Variants in SACS observed in about 807,000 individuals in gnomAD.
SACS encodes sacsin.
In SACS, 197 loss-of-function variants were observed where a neutral mutation model predicts 348.0. The ratio of observed to expected loss-of-function variants is 0.57; its 90% confidence interval spans 0.50 to 0.64. SACS has a LOEUF of 0.64. SACS is among the 30% of genes least tolerant of loss of function. The probability of loss-of-function intolerance (pLI) is 0.00; values close to 1 mark genes in which losing one functional copy is unlikely to be tolerated. For synonymous variants in SACS, 1,985 were observed against 1,910.6 expected (o/e 1.04, Z -1.02); for missense variants, 4,999 against 5,360.8 (o/e 0.93, Z 2.11).
chr13:23,339,139 T>C lies in SACS; in HGVS notation c.4737A>G (p.Ile1579Met). 6.2e-7 allele frequency: 1 copy of C among 1,611,528 alleles called. No individual in the cohort carries two copies. Among genetic ancestry groups the C allele is most frequent in the Non-Finnish European group, 8.5e-7 (1 of 1,178,350 alleles). Residue 1579 changes from isoleucine to methionine, a missense_variant, in exon 10 of 10, where the codon ATA becomes ATG. By Grantham distance (10) the Ile-to-Met change is conservative (BLOSUM62 1). Transcript: ENST00000382292. ...IPIIMSREFMIMFDPNINHIS... is the reference protein window; with the variant it reads ...IPIIMSREFMMMFDPNINHIS... ...TATGATTTATGTTTGGATCGAACAT[T>C]ATCATGAATTCCCGACTCATAATGA...
At chr13:23,389,047 TC>T (rs990540091) in intron 2 of SACS, among the ~76,000 whole-genome samples, 3 of 152,148 alleles carry the variant, frequency 2.0e-5, no homozygotes, top group African/African-American at 7.2e-5. Context: ...TGTCTTACAT[TC>T]TTTATATATT....
Position 23,341,498 on chromosome 13 carries a change from T to TG in SACS, c.2377_2378insC (p.Asp793AlafsTer6). On this transcript the variant is annotated frameshift_variant, in exon 10 of 10. Transcript: ENST00000382292. LOFTEE classifies it high-confidence loss of function. ...TGGCATCTCATCAAATAAAGTCAAA[T>TG]CCTCTGAAAAATGTATATAAAGATT... 1 of 1,613,994 alleles carries TG rather than the reference T, an allele frequency of 6.2e-7. No individual in the cohort carries two copies.
chr13:23,369,851 A>ACTCCCCC (rs914348565), intron 4 of SACS, among the ~76,000 whole-genome samples: 1 of 137,566 alleles, frequency 7.3e-6, no homozygotes, highest in Non-Finnish European at 1.5e-5. Flanking sequence ...AGCCTATCCC[A>ACTCCCCC]CTCACACTTC....
In SACS at chr13:23,358,394, T is replaced by A; in HGVS notation, c.545A>T (p.Asp182Val). ...AAATCTTCCGACCTTCAGAGGATCA[T>A]CCTTTTTCCTGCTTCTTGCTATTTC... ...IQEIARSRKKDDPLKVGRFGI... is the reference protein window; with the variant it reads ...IQEIARSRKKVDPLKVGRFGI... Residue 182 changes from aspartate to valine, a missense_variant, in exon 7 of 10, where the codon GAT (aspartate) becomes GTT (valine). Physicochemically the swap from Asp to Val is radical, Grantham distance 152. Transcript: ENST00000382292. 6.2e-7 allele frequency: 1 copy of A among 1,614,192 alleles called. No homozygotes were observed. The highest frequency in any genetic ancestry group is 8.5e-7 in the Non-Finnish European group (1 of 1,180,022).
At chr13:23,385,155 A>AG in intron 2 of SACS, among the ~76,000 whole-genome samples, 1 of 151,212 alleles carries the variant, frequency 6.6e-6, no homozygotes, top group Non-Finnish European at 1.5e-5. Context: ...AAAAAAAAAA[A>AG]GTTTTATCAT....
intron 2 of SACS, among the ~76,000 whole-genome samples, chr13:23,389,324 G>A (rs1254825700): frequency 2.6e-5 from 4 of 152,098 alleles, no homozygotes; most frequent in African/African-American, 9.7e-5. Context: ...ACTTATTAAT[G>A]CAATTTTAGA....
chr13:23,381,355 G>GCACGCACACACA (rs1555257424), intron 2 of SACS, among the ~76,000 whole-genome samples: 2 of 139,976 alleles, frequency 1.4e-5, no homozygotes, highest in Non-Finnish European at 3.1e-5. Flanking sequence ...GCAGCACGAA[G>GCACGCACACACA]CACACACACA....
chr13:23,424,613 G>A (rs576232154), intron 1 of SACS, among the ~76,000 whole-genome samples: 1 of 152,036 alleles, frequency 6.6e-6, no homozygotes, highest in South Asian at 2.1e-4. Context: ...GCTATGTGAG[G>A]AGAAACTTTC....
intron 7 of SACS, among the ~76,000 whole-genome samples, chr13:23,356,359 A>C (rs1870392849): frequency 6.6e-6 from 1 of 152,228 alleles, no homozygotes; most frequent in African/African-American, 2.4e-5. Context: ...ACTGCATCCT[A>C]TGCTCAACTT....
chr13:23,382,001 T>C (rs2709235), intron 2 of SACS, among the ~76,000 whole-genome samples: 19,878 of 152,252 alleles, frequency 0.13, 1,354 homozygotes, highest in African/African-American at 0.16. Context: ...AAGAGGAGCA[T>C]GCTACAGTCT....
At chr13:23,372,658 C>A in intron 3 of SACS, among the ~76,000 whole-genome samples, 1 of 152,160 alleles carries the variant, frequency 6.6e-6, no homozygotes, top group East Asian at 1.9e-4. Flanking sequence ...TGCTATGCTG[C>A]CTTATGTCTC....
chr13:23,371,001 CCAAACAAA>C (rs1025239829), intron 4 of SACS, 69 bp downstream of exon 4: 4 of 977,852 alleles, frequency 4.1e-6, no homozygotes, highest in Non-Finnish European at 6.3e-6. Context: ...CAAAAACCAA[CCAAACAAA>C]CAAACAAAAA....
chr13:23,355,861 C>G lies in SACS; in HGVS notation c.751G>C (p.Val251Leu). Residue 251 changes from valine (V) to leucine (L), a missense_variant, in exon 8 of 10, where the codon GTT (valine) becomes CTT (leucine). By Grantham distance (32) the Val-to-Leu change is conservative. Transcript: ENST00000382292. Reference protein sequence around the residue: ...SELSDQFAPFVGIFGSTKETF... With the variant: ...SELSDQFAPFLGIFGSTKETF... ...TCCTTGGTGCTTCCAAAAATGCCAA[C>G]AAATGGTGCAAACTGGTCTGAAAGT... 1 of 1,614,186 alleles carries G rather than the reference C, an allele frequency of 6.2e-7. No individual in the cohort carries two copies. Among genetic ancestry groups the G allele is most frequent in the Non-Finnish European group, 8.5e-7 (1 of 1,180,036 alleles).
At chr13:23,372,664 G>A (rs1258728234) in intron 3 of SACS, among the ~76,000 whole-genome samples, 9 of 152,148 alleles carry the variant, frequency 5.9e-5, no homozygotes, top group Admixed American at 5.2e-4. Context: ...GCTGCCTTAT[G>A]TCTCACCAAC....
At chr13:23,413,769 CTTA>C (rs940456982) in intron 1 of SACS, among the ~76,000 whole-genome samples, 7 of 152,058 alleles carry the variant, frequency 4.6e-5, no homozygotes, top group African/African-American at 1.5e-4. Flanking sequence ...AATGCAAAAT[CTTA>C]TTATTCTTTC....
intron 1 of SACS, among the ~76,000 whole-genome samples, chr13:23,414,971 CA>C (rs1402181897): frequency 6.6e-6 from 1 of 152,222 alleles, no homozygotes; most frequent in East Asian, 1.9e-4. Context: ...CCTCATCTCA[CA>C]CCTTCTGAAT....
In SACS at chr13:23,352,074, C is replaced by T. The variant is rs531281480; in HGVS notation, c.2185+1711G>A. On this transcript the variant is annotated intron_variant, in intron 9 of 9. Coordinates refer to ENST00000382292, the MANE Select transcript of SACS (RefSeq NM_014363.6). ...CAAGTTGTAGCCACACTCTGTGCCA[C>T]AAGATATTTGGAAAATGCTGAGCAA... 2.6e-5 allele frequency among the ~76,000 whole-genome samples: 4 copies of T among 152,322 alleles called. No individual in the cohort carries two copies. The South Asian group carries it at 8.3e-4, about 32-fold the overall frequency.
chr13:23,356,283 G>A (rs915803930), intron 7 of SACS, among the ~76,000 whole-genome samples: 2 of 152,158 alleles, frequency 1.3e-5, no homozygotes, highest in Admixed American at 1.3e-4. Flanking sequence ...CACAAAAGAT[G>A]GGCAGAGTAT....
rs768073167 is a variant in SACS, at chr13:23,339,338, C to G, written c.4538G>C (p.Gly1513Ala). ...MDIRENLLDP[G>A]MAACHGPALW... is the part of the protein sequence containing the mutation. ...AGCAGGTCCATGACAAGCTGCCATC[C>G]CTGGGTCTAGGAGATTCTCTCTTAT... Residue 1513 changes from glycine to alanine, a missense_variant, in exon 10 of 10, where the codon GGG becomes GCG. Physicochemically the swap from Gly to Ala is moderately conservative, Grantham distance 60. Coordinates refer to ENST00000382292, the MANE Select transcript of SACS (RefSeq NM_014363.6). The G allele has an allele frequency of 2.5e-6, 4 of 1,612,736 alleles. No individual in the cohort carries two copies. The Admixed American group carries it at 6.7e-5, about 27-fold the overall frequency.
Sources: gnomAD v4.1 joint callset for allele counts (sites outside exome capture counted in the v4.1 genomes callset) on GRCh38, gnomAD v4.1.1 for gene constraint, MANE v1.5 for transcripts, NCBI Gene and HGNC (gene_info 2026-07-23, HGNC 2026-07-21) for gene names.